The following VGLL4 variants were observed in gnomAD, a reference collection of about 807,000 sequenced individuals.
The protein encoded by VGLL4 is transcription cofactor vestigial-like protein 4.
VGLL4 carries 7 observed loss-of-function variants against 21.0 expected under a neutral mutation model. The ratio of observed to expected loss-of-function variants is 0.33; its 90% CI spans 0.19 to 0.63. VGLL4 has a LOEUF of 0.63. VGLL4 is among the 20% of genes least tolerant of loss of function. The pLI, the probability that VGLL4 is intolerant of heterozygous loss-of-function variation, is 0.78. For missense variants in VGLL4, 394 were observed against 425.7 expected (o/e 0.93, Z 0.66); for synonymous variants, 222 against 173.2 (o/e 1.28, Z -2.21).
At chr3:11,596,879 G>A (rs534071504) in intron 2 of VGLL4, among the ~76,000 whole-genome samples, 4 of 152,198 alleles carry the variant, frequency 2.6e-5, no homozygotes, top group South Asian at 4.2e-4. Context: ...CCATAGTAAC[G>A]ATAACACCTA....
At chr3:11,573,320 A>C (rs866968042) in intron 2 of VGLL4, among the ~76,000 whole-genome samples, 79 of 27,334 alleles carry the variant, frequency 2.9e-3, no homozygotes, top group African/African-American at 7.2e-3. Flanking sequence ...AGGAAGGAAG[A>C]AAGAAAGAAA....
intron 2 of VGLL4, among the ~76,000 whole-genome samples, chr3:11,579,593 C>T (rs886831599): frequency 2.6e-5 from 4 of 152,070 alleles, no homozygotes; most frequent in South Asian, 2.1e-4. Context: ...CTGAAAAGAA[C>T]GTGGGGGGAG....
At chr3:11,650,480 AT>A (rs772053315) in intron 2 of VGLL4, among the ~76,000 whole-genome samples, 44 of 152,198 alleles carry the variant, frequency 2.9e-4, no homozygotes, top group Non-Finnish European at 5.3e-4. Flanking sequence ...CTCCCCAGAC[AT>A]TTATTTAAAA....
At chr3:11,619,020 T>A (rs974895989) in intron 1 of VGLL4, among the ~76,000 whole-genome samples, 2 of 152,262 alleles carry the variant, frequency 1.3e-5, no homozygotes, top group African/African-American at 4.8e-5. Flanking sequence ...ACCATTGTGC[T>A]CAGAAAAGTT....
intron 2 of VGLL4, among the ~76,000 whole-genome samples, chr3:11,574,783 A>ATGTGTGTGTGTG (rs768970246): frequency 2.0e-3 from 222 of 111,802 alleles, no homozygotes; most frequent in South Asian, 3.3e-3. Flanking sequence ...ATTCAACTAT[A>ATGTGTGTGTGTG]TATGTGTGTG....
At chr3:11,668,754 G>A (rs1274747400) in intron 2 of VGLL4, among the ~76,000 whole-genome samples, 2 of 152,192 alleles carry the variant, frequency 1.3e-5, no homozygotes, top group African/African-American at 4.8e-5. Flanking sequence ...TGCACGTTTG[G>A]AGAAGATAGC....
chr3:11,669,309 C>A (rs1304254811), intron 2 of VGLL4, among the ~76,000 whole-genome samples: 1 of 152,028 alleles, frequency 6.6e-6, no homozygotes, highest in Non-Finnish European at 1.5e-5. Flanking sequence ...TCCTTGAGCC[C>A]AGGAGTTCAA....
intron 2 of VGLL4, among the ~76,000 whole-genome samples, chr3:11,652,993 T>C (rs4684792): frequency 0.75 from 113,980 of 152,084 alleles, 42,847 homozygotes; most frequent in African/African-American, 0.8. Flanking sequence ...TCATAATTAC[T>C]CATAGATGTA....
chr3:11,674,031 A>G (rs1044442862), intron 2 of VGLL4, among the ~76,000 whole-genome samples: 1 of 151,336 alleles, frequency 6.6e-6, no homozygotes, highest in African/African-American at 2.4e-5. Context: ...AAAAAAAAAA[A>G]AAAAAAGAAA....
intron 2 of VGLL4, among the ~76,000 whole-genome samples, chr3:11,690,435 CTAAA>C (rs1469492682): frequency 6.6e-6 from 1 of 152,128 alleles, no homozygotes; most frequent in Non-Finnish European, 1.5e-5. Flanking sequence ...TCCTGAATGC[CTAAA>C]TACTTTTTTC....
At position 11,565,025 on chromosome 3, in the gene VGLL4, A is replaced by G; in HGVS notation, c.273-6T>C. 6.8e-7 allele frequency: 1 copy of G among 1,475,172 alleles called. No individual in the cohort carries two copies. Among genetic ancestry groups the G allele is most frequent in the Non-Finnish European group, 9.0e-7 (1 of 1,114,630 alleles). 91.4% of individuals were successfully genotyped at this position (1,475,172 alleles called of 1,614,324 possible). On this transcript the variant is annotated splice_region_variant and splice_polypyrimidine_tract_variant and intron_variant, in intron 2 of 4. Transcript: ENST00000430365. This position sits in a 1 kb window ranked among gnomAD's most constrained non-coding sequence, Gnocchi z 4.1. ...CTCCATTGGCAGTCTTGTTCCTGAAAAAGAGGAATGGGCATTCAGGGGGCG... is the reference window on the plus strand; with the variant it reads ...CTCCATTGGCAGTCTTGTTCCTGAAGAAGAGGAATGGGCATTCAGGGGGCG...
rs1172819114 is a variant in VGLL4 at position 11,564,972 on chromosome 3, C to T, written c.320G>A (p.Ser107Asn). 12 of 1,540,682 alleles carry T rather than the reference C, an allele frequency of 7.8e-6. No homozygotes were observed. The highest frequency in any genetic ancestry group is 1.0e-5 in the Non-Finnish European group (12 of 1,144,062). ...CACAGCGCGCTCGATGGGGCTGCGG[C>T]TCCGCTCCCGGGGGTCTCTGCGGCA... is the stretch of plus-strand genomic sequence containing the variant. ...GDCRRDPRERSRSPIERAVAP... is the reference protein window; with the variant it reads ...GDCRRDPRERNRSPIERAVAP... The change falls in exon 3 of 5, where the codon AGC becomes AAC. Residue 107 changes from serine to asparagine, a missense_variant. By Grantham distance (46) the Ser-to-Asn change is conservative (BLOSUM62 1). Transcript: ENST00000430365.
At chr3:11,598,393 A>G (rs1327245945) in intron 2 of VGLL4, among the ~76,000 whole-genome samples, 3 of 152,102 alleles carry the variant, frequency 2.0e-5, no homozygotes, top group Non-Finnish European at 2.9e-5. Context: ...AAATGTCTCC[A>G]TATGATGCTT....
chr3:11,573,336 A>C (rs940961553), intron 2 of VGLL4, among the ~76,000 whole-genome samples: 22 of 77,252 alleles, frequency 2.8e-4, no homozygotes, highest in South Asian at 8.4e-4. Context: ...AGAAAGAAAG[A>C]AAGAAAGAAA....
intron 1 of VGLL4, chr3:11,610,616 T>G (rs1417343428): frequency 6.6e-6 from 1 of 152,248 alleles, no homozygotes; most frequent in African/African-American, 2.4e-5. Context: ...TGGACTGGGC[T>G]TGGTTTGAGC....
intron 2 of VGLL4, among the ~76,000 whole-genome samples, chr3:11,567,547 TA>T (rs1055206165): frequency 6.6e-6 from 1 of 152,180 alleles, no homozygotes; most frequent in African/African-American, 2.4e-5. Context: ...TTCAAAACGT[TA>T]AAATACTAAA....
At chr3:11,670,946 A>G (rs891440958) in intron 2 of VGLL4, among the ~76,000 whole-genome samples, 1 of 152,216 alleles carries the variant, frequency 6.6e-6, no homozygotes, top group Non-Finnish European at 1.5e-5. Context: ...CTGAGGCAGA[A>G]GAATTGCTTG....
At chr3:11,595,755 A>T (rs554862080) in intron 2 of VGLL4, among the ~76,000 whole-genome samples, 1 of 151,352 alleles carries the variant, frequency 6.6e-6, no homozygotes, top group African/African-American at 2.4e-5. Context: ...CAAACACCGC[A>T]TGTTCTCACT....
At chr3:11,650,034 G>C (rs1020249752) in intron 2 of VGLL4, among the ~76,000 whole-genome samples, 2 of 152,050 alleles carry the variant, frequency 1.3e-5, no homozygotes, top group African/African-American at 4.8e-5. Context: ...TGACTTCCCA[G>C]GCTCAAGTGA....
Sources: allele counts gnomAD v4.1 joint callset (sites outside exome capture counted in the v4.1 genomes callset), GRCh38; gene constraint gnomAD v4.1.1; non-coding constraint Gnocchi (gnomAD v3.1); transcripts MANE v1.5; gene names NCBI Gene and HGNC (gene_info 2026-07-23, HGNC 2026-07-21).